VAT1L: variants seen among roughly 807,000 people sequenced by gnomAD.
VAT1L encodes putative NADPH-dependent quinone oxidoreductase VAT1L.
VAT1L carries 34 observed loss-of-function variants against 44.1 expected under a neutral mutation model. That is an observed-to-expected ratio of 0.77 (90% confidence interval 0.59 to 1.03). The LOEUF is 1.03. VAT1L is among the 50% of genes least tolerant of loss of function. The pLI, the probability that VAT1L is intolerant of heterozygous loss-of-function variation, is 0.00. For synonymous variants in VAT1L, 253 were observed against 202.2 expected, an observed-to-expected ratio of 1.25 and a Z score of -2.13; for missense variants, 615 against 538.8, an observed-to-expected ratio of 1.14 and a Z score of -1.40.
intron 3 of VAT1L, among the ~76,000 whole-genome samples, chr16:77,844,686 G>C (rs2145262722): frequency 6.6e-6 from 1 of 152,224 alleles, no homozygotes; most frequent in Middle Eastern, 3.4e-3. Context: ...TGGGATTACA[G>C]GCGTGAGCCA....
intron 7 of VAT1L, among the ~76,000 whole-genome samples, chr16:77,949,992 G>C (rs1215812453): frequency 6.6e-6 from 1 of 152,186 alleles, no homozygotes; most frequent in African/African-American, 2.4e-5. Flanking sequence ...TTTTCCCTCA[G>C]CCATGGCTCT....
In VAT1L at chr16:77,945,150, C is replaced by T. The variant is rs534616379; in HGVS notation, c.1078-26700C>T. 3.0e-4 allele frequency among the ~76,000 whole-genome samples: 46 copies of T among 152,084 alleles called. 1 individual carries two copies. Among genetic ancestry groups the T allele is most frequent in the South Asian group, 2.1e-4 (1 of 4,818 alleles). ...CCAGAAGCTATCAGACCTAGTCTGTCCAATCTGTGGGGGCACAAACCCAAG... is the reference window on the plus strand; with the variant it reads ...CCAGAAGCTATCAGACCTAGTCTGTTCAATCTGTGGGGGCACAAACCCAAG... On this transcript the variant is annotated intron_variant, in intron 7 of 8. Transcript: ENST00000302536.
At chr16:77,949,662 C>A (rs1459105148) in intron 7 of VAT1L, among the ~76,000 whole-genome samples, 1 of 152,206 alleles carries the variant, frequency 6.6e-6, no homozygotes, top group East Asian at 1.9e-4. Flanking sequence ...ACTGTGTGAT[C>A]TCTGCACGTG....
chr16:77,945,247 C>T (rs1567517592), intron 7 of VAT1L, among the ~76,000 whole-genome samples: 1 of 139,022 alleles, frequency 7.2e-6, no homozygotes, highest in African/African-American at 2.6e-5. Flanking sequence ...GCCACTGACT[C>T]ACTTGGAATG....
At chr16:77,968,937 G>A (rs1185994230) in intron 7 of VAT1L, among the ~76,000 whole-genome samples, 1 of 151,984 alleles carries the variant, frequency 6.6e-6, no homozygotes, top group South Asian at 2.1e-4. Flanking sequence ...TCCTGCCTCA[G>A]CCTCCCAAGC....
rs531835865 is a variant in VAT1L at position 77,893,772 on chromosome 16, C to G, written c.1077+8970C>G. Among the ~76,000 whole-genome samples, 3 of 152,200 alleles carry G rather than the reference C, an allele frequency of 2.0e-5. No individual in the cohort carries two copies. In the East Asian group the frequency reaches 5.8e-4, roughly 29 times the overall value. On this transcript the variant is annotated intron_variant, in intron 7 of 8. Coordinates refer to ENST00000302536, the MANE Select transcript of VAT1L (RefSeq NM_020927.3). ...TAGAGAGATTATACTTGCCCATAGT[C>G]CCTGCTTACCATTGAATTTGATGGA...
chr16:77,829,551 C>T (rs1567480392), intron 3 of VAT1L, among the ~76,000 whole-genome samples: 1 of 152,218 alleles, frequency 6.6e-6, no homozygotes, highest in Non-Finnish European at 1.5e-5. Context: ...TCTTTGAGGA[C>T]ATTGTTTTCC....
At chr16:77,968,454 G>A (rs577564695) in intron 7 of VAT1L, among the ~76,000 whole-genome samples, 19 of 152,160 alleles carry the variant, frequency 1.2e-4, no homozygotes, top group East Asian at 1.9e-4. Context: ...GGCTGGGCGC[G>A]GTGGCTCACG....
At chr16:77,965,547 G>C (rs2018214181) in intron 7 of VAT1L, among the ~76,000 whole-genome samples, 1 of 152,178 alleles carries the variant, frequency 6.6e-6, no homozygotes. Flanking sequence ...AGCTCTGTTG[G>C]AGATGGCCTG....
chr16:77,934,111 T>C (rs1279789905), intron 7 of VAT1L, among the ~76,000 whole-genome samples: 1 of 152,148 alleles, frequency 6.6e-6, no homozygotes. Flanking sequence ...CAAAAATTGA[T>C]GGTAGCCTGG....
intron 7 of VAT1L, among the ~76,000 whole-genome samples, chr16:77,928,387 A>C (rs572801416): frequency 6.6e-6 from 1 of 152,342 alleles, no homozygotes; most frequent in African/African-American, 2.4e-5. Flanking sequence ...TCTTATGATT[A>C]TTCCATCATG....
chr16:77,918,895 C>G (rs767515757), intron 7 of VAT1L, among the ~76,000 whole-genome samples: 3 of 152,172 alleles, frequency 2.0e-5, no homozygotes, highest in Admixed American at 6.5e-5. Context: ...AGAATAAGTT[C>G]TCTCTCTCCT....
At chr16:77,948,396 C>G (rs999970452) in intron 7 of VAT1L, among the ~76,000 whole-genome samples, 1 of 152,176 alleles carries the variant, frequency 6.6e-6, no homozygotes, top group African/African-American at 2.4e-5. Context: ...ATCCAAACCC[C>G]TCATTTGCAA....
chr16:77,923,554 T>C (rs2017634990), intron 7 of VAT1L, among the ~76,000 whole-genome samples: 1 of 152,198 alleles, frequency 6.6e-6, no homozygotes, highest in African/African-American at 2.4e-5. Context: ...CATCCTCACC[T>C]ATCAGGTTTT....
rs534428505 is a variant in VAT1L, at chr16:77,969,486, C to T, written c.1078-2364C>T. On this transcript the variant is annotated intron_variant, in intron 7 of 8. Transcript: ENST00000302536. ...AGGGTATCTGCTCCTCATTGACTGT[C>T]GGCTGGGGTCTGCCTTCAGTTTCTT... 3.3e-5 allele frequency among the ~76,000 whole-genome samples: 5 copies of T among 152,090 alleles called. No homozygotes were observed. The East Asian group carries it at 7.7e-4, about 24-fold the overall frequency.
At chr16:77,858,835 C>CA (rs908988640) in intron 3 of VAT1L, among the ~76,000 whole-genome samples, 2 of 151,268 alleles carry the variant, frequency 1.3e-5, no homozygotes, top group Non-Finnish European at 3.0e-5. Flanking sequence ...CCCATCTTTA[C>CA]AAAAAAAAAT....
At chr16:77,875,000 G>A (rs2017073517) in intron 4 of VAT1L, among the ~76,000 whole-genome samples, 1 of 152,174 alleles carries the variant, frequency 6.6e-6, no homozygotes, top group South Asian at 2.1e-4. Context: ...AAGAAAGGAA[G>A]GATTGCAATC....
intron 8 of VAT1L, 89 bp downstream of exon 8, chr16:77,972,022 G>A: frequency 7.7e-7 from 1 of 1,298,104 alleles, no homozygotes; most frequent in Non-Finnish European, 1.1e-6. Flanking sequence ...GTAGAAGGAA[G>A]TACAGGTAGC....
chr16:77,928,792 T>C (rs993805234), intron 7 of VAT1L, among the ~76,000 whole-genome samples: 2 of 151,896 alleles, frequency 1.3e-5, no homozygotes, highest in Non-Finnish European at 2.9e-5. Flanking sequence ...GTCTTCTAAG[T>C]CACTGTGCCA....
Sources: gnomAD v4.1 joint callset for allele counts (sites outside exome capture counted in the v4.1 genomes callset) on GRCh38, gnomAD v4.1.1 for gene constraint, MANE v1.5 for transcripts, NCBI Gene and HGNC (gene_info 2026-07-23, HGNC 2026-07-21) for gene names.